Variants in PARM1 observed in about 807,000 individuals in gnomAD.
The protein encoded by PARM1 is WSC4, cell wall integrity and stress response component 4 homolog.
A neutral mutation model predicts 24.6 loss-of-function variants in PARM1; 14 were observed. The observed-to-expected ratio is 0.57, with a 90% confidence interval of 0.38 to 0.89. The LOEUF (loss-of-function observed/expected upper bound fraction) is 0.89. PARM1 is among the 40% of genes least tolerant of loss of function. The pLI is 0.00. For missense variants in PARM1, 362 were observed against 380.4 expected, an observed-to-expected ratio of 0.95 and a Z score of 0.40; for synonymous variants, 179 against 156.6, an observed-to-expected ratio of 1.14 and a Z score of -1.07.
chr4:74,999,121 T>A (rs991741307), intron 1 of PARM1: 1 of 152,240 alleles, frequency 6.6e-6, no homozygotes, highest in African/African-American at 2.4e-5. Flanking sequence ...CCTCAGTACA[T>A]CCAGCCTGGT....
At chr4:74,971,525 T>C (rs759246146) in intron 1 of PARM1, among the ~76,000 whole-genome samples, 4 of 152,220 alleles carry the variant, frequency 2.6e-5, no homozygotes, top group Non-Finnish European at 5.9e-5. Flanking sequence ...CATATCCTAT[T>C]TTATTAACAG....
At chr4:75,031,540 AG>A (rs916758639) in intron 2 of PARM1, among the ~76,000 whole-genome samples, 65 of 152,196 alleles carry the variant, frequency 4.3e-4, no homozygotes, top group African/African-American at 1.1e-3. Flanking sequence ...AAAAAAAAAA[AG>A]ATCACACTTT....
chr4:74,977,995 C>A (rs756768626), intron 1 of PARM1, among the ~76,000 whole-genome samples: 40 of 152,288 alleles, frequency 2.6e-4, no homozygotes, highest in Non-Finnish European at 5.4e-4. Context: ...AAAACCATTA[C>A]CAGCTACTAT....
chr4:75,008,688 T>C (rs1328941102), intron 1 of PARM1, among the ~76,000 whole-genome samples: 2 of 152,238 alleles, frequency 1.3e-5, no homozygotes, highest in African/African-American at 4.8e-5. Context: ...GTTTTACTTT[T>C]ATATAGCACT....
chr4:74,975,958 G>A (rs569937115), intron 1 of PARM1, among the ~76,000 whole-genome samples: 61 of 152,278 alleles, frequency 4.0e-4, no homozygotes, highest in Non-Finnish European at 8.1e-4. Flanking sequence ...GTGAGAAAAA[G>A]CAAGGTGGAG....
At chr4:74,966,297 A>G (rs961388087) in intron 1 of PARM1, among the ~76,000 whole-genome samples, 1 of 152,208 alleles carries the variant, frequency 6.6e-6, no homozygotes, top group African/African-American at 2.4e-5. Flanking sequence ...AATATGTGTC[A>G]AGACTATTTT....
At chr4:74,984,559 GT>G (rs1280428731) in intron 1 of PARM1, among the ~76,000 whole-genome samples, 1 of 152,164 alleles carries the variant, frequency 6.6e-6, no homozygotes, top group African/African-American at 2.4e-5. Flanking sequence ...TGCACTATAT[GT>G]TTTCCAAAAG....
At position 74,934,999 on chromosome 4, in the gene PARM1, T is replaced by TC. The variant is rs1227484363; in HGVS notation, c.43+1629_43+1630insC. On this transcript the variant is annotated intron_variant, in intron 1 of 3. Transcript: ENST00000307428. ...CCACCCCAAGAAGCTCTTTTTTCTT[T>TC]TTTTTTTTTTTCTTTTTTCTTTTAT... Among the ~76,000 whole-genome samples the TC allele has an allele frequency of 3.9e-5, 5 of 127,332 alleles. No individual in the cohort carries two copies. In the East Asian group the frequency reaches 8.0e-4, roughly 20 times the overall value. The allele number at this position is 127,332 out of a possible 152,430, so 83.5% of individuals were successfully genotyped here. A position where few individuals can be genotyped will look rare whatever the true frequency, so the allele number is the denominator to read the frequency against.
chr4:75,027,648 T>C (rs1723208325), intron 2 of PARM1, among the ~76,000 whole-genome samples: 1 of 152,236 alleles, frequency 6.6e-6, no homozygotes, highest in East Asian at 1.9e-4. Flanking sequence ...GGCAGGATTC[T>C]GAGCAGTTAT....
intron 1 of PARM1, among the ~76,000 whole-genome samples, chr4:74,935,216 T>C (rs1239760123): frequency 6.6e-6 from 1 of 152,082 alleles, no homozygotes; most frequent in East Asian, 1.9e-4. Context: ...TACTGCCTCA[T>C]TTCCCTAGTT....
intron 3 of PARM1, among the ~76,000 whole-genome samples, chr4:75,041,316 C>G (rs1373198314): frequency 6.6e-6 from 1 of 152,198 alleles, no homozygotes. Context: ...GAGTCTAAGG[C>G]TTAATTACTC....
chr4:75,015,919 C>T (rs1423264430), intron 2 of PARM1, among the ~76,000 whole-genome samples: 3 of 152,170 alleles, frequency 2.0e-5, no homozygotes, highest in South Asian at 4.1e-4. Context: ...TTGGGATGCT[C>T]TTATTTAGAG....
intron 1 of PARM1, among the ~76,000 whole-genome samples, chr4:74,944,062 A>G (rs1721362791): frequency 6.6e-6 from 1 of 152,210 alleles, no homozygotes; most frequent in Non-Finnish European, 1.5e-5. Flanking sequence ...AGCACTTGTC[A>G]TCTACCCAGC....
chr4:74,991,611 G>C (rs1157205626), intron 1 of PARM1, among the ~76,000 whole-genome samples: 1 of 152,084 alleles, frequency 6.6e-6, no homozygotes, highest in Non-Finnish European at 1.5e-5. Flanking sequence ...TCACCAGAAA[G>C]AAATTAACAG....
At position 74,933,373 on chromosome 4, in the gene PARM1, A is replaced by G. The variant is rs760984081; in HGVS notation, c.43+3A>G. The G allele has an allele frequency of 6.2e-7, 1 of 1,612,302 alleles. No individual in the cohort carries two copies. The highest frequency in any genetic ancestry group is 1.1e-5 in the South Asian group (1 of 90,840). ...CGCTCTTTGCATCTTAACTGCAGGT[A>G]ATTGGCGCCATCCTCCCGGAAGGGC... On this transcript the variant is annotated splice_donor_region_variant and intron_variant, in intron 1 of 3. Coordinates refer to ENST00000307428, the MANE Select transcript of PARM1 (RefSeq NM_015393.4).
chr4:74,961,613 A>G (rs989779735), intron 1 of PARM1, among the ~76,000 whole-genome samples: 1 of 152,192 alleles, frequency 6.6e-6, no homozygotes, highest in Non-Finnish European at 1.5e-5. Context: ...TTATCAGCAT[A>G]TTTTTCATTC....
chr4:74,968,968 A>G (rs1388921071), intron 1 of PARM1, among the ~76,000 whole-genome samples: 1 of 152,212 alleles, frequency 6.6e-6, no homozygotes, highest in Non-Finnish European at 1.5e-5. Context: ...AAAGTAGGCT[A>G]TGGGCTGGTT....
rs1388521000 is a variant in PARM1 at position 75,009,119 on chromosome 4, A to AC, written c.44-3304dup. Among the ~76,000 whole-genome samples the AC allele has an allele frequency of 2.6e-5, 4 of 152,174 alleles. No individual in the cohort carries two copies. The East Asian group carries it at 7.7e-4, about 29-fold the overall frequency. The stretch of plus-strand genomic sequence containing the variant: ...GTTGACAGTTCACAGCTGCCAAAAG[A>AC]CCACCGTAACAGCATGGAATAGCAT... On this transcript the variant is annotated intron_variant, in intron 1 of 3. Coordinates refer to ENST00000307428, the MANE Select transcript of PARM1 (RefSeq NM_015393.4).
At chr4:75,023,497 A>C (rs1338174376) in intron 2 of PARM1, among the ~76,000 whole-genome samples, 3 of 152,168 alleles carry the variant, frequency 2.0e-5, no homozygotes, top group African/African-American at 7.2e-5. Context: ...ACTCTTCTAG[A>C]CTCTGATTTT....
Sources: allele counts gnomAD v4.1 joint callset (sites outside exome capture counted in the v4.1 genomes callset), GRCh38; gene constraint gnomAD v4.1.1; transcripts MANE v1.5; gene names NCBI Gene and HGNC (gene_info 2026-07-23, HGNC 2026-07-21).